Variants in SLC22A16 observed in about 807,000 individuals in gnomAD.
The protein encoded by SLC22A16 is solute carrier family 22 member 16, also known as WUGSC:RG331P03.1.
A neutral mutation model predicts 52.9 loss-of-function variants in SLC22A16; 53 were observed. The ratio of observed to expected loss-of-function variants is 1.00; its 90% CI spans 0.80 to 1.26. The LOEUF (loss-of-function observed/expected upper bound fraction) is 1.26. Among genes scored for constraint, SLC22A16 ranks in the 50% most tolerant of loss-of-function variants. The pLI, the probability that SLC22A16 is intolerant of heterozygous loss-of-function variation, is 0.00. For missense variants in SLC22A16, 726 were observed against 704.0 expected (o/e 1.03, Z -0.35); for synonymous variants, 291 against 268.8 (o/e 1.08, Z -0.81).
intron 7 of SLC22A16, among the ~76,000 whole-genome samples, chr6:110,430,604 C>T (rs1582518717): frequency 6.6e-6 from 1 of 152,180 alleles, no homozygotes; most frequent in African/African-American, 2.4e-5. Flanking sequence ...CACGTGCCTT[C>T]CCAGCCTCTC....
At chr6:110,431,145 G>A (rs1179348463) in intron 7 of SLC22A16, 26 bp downstream of exon 7, 2 of 1,597,954 alleles carry the variant, frequency 1.3e-6, no homozygotes, top group Non-Finnish European at 1.7e-6. Context: ...TGCCCCCTTG[G>A]GGAGGGTCTG....
At position 110,469,236 on chromosome 6, in the gene SLC22A16, C is replaced by T. The variant is rs1404376525; in HGVS notation, c.53+7286G>A. Among the ~76,000 whole-genome samples, 3 of 152,150 alleles carry T rather than the reference C, an allele frequency of 2.0e-5. No homozygotes were observed. The East Asian group carries it at 5.8e-4, about 29-fold the overall frequency. ...ATTGTCTTGGTCACTGTGCATAATA[C>T]TAACATCTTAGGCCGGGCGCAGTGG... On this transcript the variant is annotated intron_variant, in intron 1 of 7. Coordinates refer to ENST00000368919, the MANE Select transcript of SLC22A16 (RefSeq NM_033125.4).
chr6:110,473,466 G>T (rs1349685643), intron 1 of SLC22A16, among the ~76,000 whole-genome samples: 1 of 97,502 alleles, frequency 1.0e-5, no homozygotes, highest in East Asian at 3.2e-4. Flanking sequence ...TGGTATTTTA[G>T]TTCTTCTCAG....
chr6:110,453,004 A>T (rs1188426848), intron 2 of SLC22A16, among the ~76,000 whole-genome samples: 1 of 152,088 alleles, frequency 6.6e-6, no homozygotes, highest in East Asian at 1.9e-4. Flanking sequence ...TTTAATATTG[A>T]TGACTTTTTC....
chr6:110,458,413 G>A (rs1016271488), intron 1 of SLC22A16, among the ~76,000 whole-genome samples: 15 of 152,078 alleles, frequency 9.9e-5, no homozygotes, highest in Admixed American at 3.3e-4. Context: ...ACGATCTCTC[G>A]TCTCCACACA....
chr6:110,468,687 G>GA (rs1337223803), intron 1 of SLC22A16, among the ~76,000 whole-genome samples: 1 of 150,368 alleles, frequency 6.7e-6, no homozygotes, highest in African/African-American at 2.5e-5. Context: ...AGAAGAAGAA[G>GA]AAAAAGAAAA....
chr6:110,460,089 C>T (rs1042682249), intron 1 of SLC22A16, among the ~76,000 whole-genome samples: 6 of 152,142 alleles, frequency 3.9e-5, no homozygotes, highest in Admixed American at 6.5e-5. Flanking sequence ...AGGTCCTGTC[C>T]GATCAAACTG....
At chr6:110,426,623 T>TTTCTGCTGGCTATTTTCCC (rs1011797663) in intron 7 of SLC22A16, among the ~76,000 whole-genome samples, 1 of 152,158 alleles carries the variant, frequency 6.6e-6, no homozygotes, top group Non-Finnish European at 1.5e-5. Flanking sequence ...GATCTTTTCC[T>TTTCTGCTGGCTATTTTCCC]TTCTGCTGGC....
chr6:110,474,025 C>T (rs995698907), intron 1 of SLC22A16, among the ~76,000 whole-genome samples: 21 of 152,134 alleles, frequency 1.4e-4, no homozygotes, highest in African/African-American at 5.1e-4. Context: ...TCCTAAGCTC[C>T]ACCTCCTGTC....
At chr6:110,429,015 G>C (rs1774390145) in intron 7 of SLC22A16, among the ~76,000 whole-genome samples, 1 of 152,062 alleles carries the variant, frequency 6.6e-6, no homozygotes, top group Non-Finnish European at 1.5e-5. Context: ...GAGCCTTACA[G>C]AAATCCATTA....
At chr6:110,431,134 G>A (rs76676412) in intron 7 of SLC22A16, 37 bp downstream of exon 7, 39,577 of 1,560,572 alleles carry the variant, frequency 0.025, 615 homozygotes, top group Non-Finnish European at 0.029. Context: ...AACTGCCTCC[G>A]TGCCCCCTTG....
chr6:110,444,635 G>A (rs769628224), intron 3 of SLC22A16, among the ~76,000 whole-genome samples: 1 of 152,148 alleles, frequency 6.6e-6, no homozygotes, highest in South Asian at 2.1e-4. Context: ...TCACAAAGAG[G>A]CCGGCCTACA....
At chr6:110,447,632 A>G (rs1231594255) in intron 2 of SLC22A16, among the ~76,000 whole-genome samples, 1 of 152,148 alleles carries the variant, frequency 6.6e-6, no homozygotes, top group Non-Finnish European at 1.5e-5. Context: ...CTCCCAAAAG[A>G]AACTCTGTGC....
At chr6:110,425,470 G>C (rs759535499) in intron 7 of SLC22A16, 56 of 1,242,092 alleles carry the variant, frequency 4.5e-5, no homozygotes, top group Non-Finnish European at 5.8e-5. Flanking sequence ...CCCTGGGTCA[G>C]GACATGCCAA....
chr6:110,435,762 A>C lies in SLC22A16; in HGVS notation c.1421+90T>G. ...GAGATCCAGGTAACTTCTATAAAAA[A>C]GAAGCATTTACATGTAAAGGCCAAA... On this transcript the variant is annotated intron_variant, in intron 6 of 7. Transcript: ENST00000368919. The C allele has an allele frequency of 4.5e-6, 4 of 896,154 alleles. No individual in the cohort carries two copies. The South Asian group carries it at 7.5e-5, about 17-fold the overall frequency. 55.5% of individuals were successfully genotyped at this position (896,154 alleles called of 1,614,324 possible).
Position 110,476,507 on chromosome 6 carries a change from G to GCCCCCCCCCCC in SLC22A16, c.53+14_53+15insGGGGGGGGGGG, listed in dbSNP as rs1554229887. On this transcript the variant is annotated intron_variant, in intron 1 of 7. Transcript: ENST00000368919. ...GCCGCCTCCCGCGTGGCGCCGCGGG[G>GCCCCCCCCCCC]CCCCTCCCCCATACCTGCCGAAGTG... is the stretch of plus-strand genomic sequence containing the variant. The GCCCCCCCCCCC allele has an allele frequency of 2.9e-5, 31 of 1,073,092 alleles. No individual in the cohort carries two copies. In the African/African-American group the frequency reaches 7.0e-4, roughly 24 times the overall value. 66.5% of individuals were successfully genotyped at this position (1,073,092 alleles called of 1,614,324 possible).
intron 2 of SLC22A16, chr6:110,456,034 A>G (rs1775638703): frequency 6.5e-6 from 1 of 152,750 alleles, no homozygotes; most frequent in South Asian, 2.1e-4. Flanking sequence ...ATTTTGTTAC[A>G]GCAGCACAAA....
rs748629451 is a variant in SLC22A16, at chr6:110,424,886, C to T, written c.1721G>A (p.Gly574Asp). 3.3e-5 allele frequency: 54 copies of T among 1,614,130 alleles called. No individual in the cohort carries two copies. Among genetic ancestry groups the T allele is most frequent in the Non-Finnish European group, 4.4e-5 (52 of 1,180,014 alleles). Residue 574 changes from glycine to aspartate, a missense_variant, in exon 8 of 8, where the codon GGT becomes GAT. Physicochemically the swap from Gly to Asp is moderately conservative, Grantham distance 94. Transcript: ENST00000368919. ...GGCATGGCACATTTATTCACCAAGA[C>T]CAGAATCCCTGGGGGTAATCGCTTC... ...KTEAITPRDS[G>D]LGE
At chr6:110,447,422 C>T (rs1775220150) in intron 2 of SLC22A16, among the ~76,000 whole-genome samples, 1 of 152,152 alleles carries the variant, frequency 6.6e-6, no homozygotes, top group Non-Finnish European at 1.5e-5. Context: ...GAATAATGTG[C>T]TTACTTGCCC....
Sources: gnomAD v4.1 joint callset for allele counts (sites outside exome capture counted in the v4.1 genomes callset) on GRCh38, gnomAD v4.1.1 for gene constraint, MANE v1.5 for transcripts, NCBI Gene and HGNC (gene_info 2026-07-23, HGNC 2026-07-21) for gene names.